Variants in SYN3 observed in about 807,000 individuals in gnomAD.
The protein encoded by SYN3 is synapsin-3.
SYN3 carries 35 observed loss-of-function variants against 65.8 expected under a neutral mutation model. The ratio of observed to expected loss-of-function variants is 0.53; its 90% CI spans 0.41 to 0.70. The LOEUF (loss-of-function observed/expected upper bound fraction) is 0.70. Ranked by LOEUF, SYN3 falls within the 30% of genes least tolerant of loss-of-function variation. The pLI is 0.00. For missense variants in SYN3, 680 were observed against 749.0 expected, an observed-to-expected ratio of 0.91 and a Z score of 1.08; for synonymous variants, 270 against 292.9, an observed-to-expected ratio of 0.92 and a Z score of 0.80.
At chr22:33,055,523 C>T (rs1162889400) in intron 1 of SYN3, among the ~76,000 whole-genome samples, 3 of 152,216 alleles carry the variant, frequency 2.0e-5, no homozygotes, top group Non-Finnish European at 4.4e-5. Flanking sequence ...TCATTTCACT[C>T]ATTTAAGAAA....
At chr22:32,677,328 A>C (rs2060459894) in intron 6 of SYN3, among the ~76,000 whole-genome samples, 2 of 152,182 alleles carry the variant, frequency 1.3e-5, no homozygotes, top group African/African-American at 4.8e-5. Context: ...CAAATGCGCT[A>C]GTATGTAACA....
At chr22:32,858,202 C>A in intron 6 of SYN3, 1 of 1,600,412 alleles carries the variant, frequency 6.2e-7, no homozygotes, top group Non-Finnish European at 8.5e-7. Context: ...GAAACATCAG[C>A]TCCCAATGCA....
At chr22:32,907,969 A>G (rs1385360607) in intron 4 of SYN3, among the ~76,000 whole-genome samples, 3 of 152,234 alleles carry the variant, frequency 2.0e-5, no homozygotes, top group African/African-American at 4.8e-5. Flanking sequence ...TCCACATTTT[A>G]CAAATGGTGA....
chr22:32,686,590 A>AT (rs149862418), intron 6 of SYN3, among the ~76,000 whole-genome samples: 5,856 of 72,350 alleles, frequency 0.081, 367 homozygotes, highest in Non-Finnish European at 0.092. Flanking sequence ...CTGCTCCTCC[A>AT]TTTTTTTTTT....
At chr22:32,648,435 T>C (rs928738077) in intron 6 of SYN3, among the ~76,000 whole-genome samples, 3 of 152,234 alleles carry the variant, frequency 2.0e-5, no homozygotes, top group Admixed American at 2.0e-4. Flanking sequence ...AATAATTATA[T>C]GAATTACAGT....
At chr22:32,872,717 T>C (rs1048366190) in intron 4 of SYN3, among the ~76,000 whole-genome samples, 12 of 152,074 alleles carry the variant, frequency 7.9e-5, no homozygotes, top group Admixed American at 2.0e-4. Context: ...ATTCAGTTCC[T>C]CCCTCTGTAC....
At chr22:32,591,838 G>A (rs2059131518) in intron 7 of SYN3, among the ~76,000 whole-genome samples, 1 of 152,156 alleles carries the variant, frequency 6.6e-6, no homozygotes, top group South Asian at 2.1e-4. Flanking sequence ...GTAGCGTGAT[G>A]AAATCTTGCA....
At chr22:32,739,837 T>C (rs1398869417) in intron 6 of SYN3, among the ~76,000 whole-genome samples, 1 of 152,228 alleles carries the variant, frequency 6.6e-6, no homozygotes, top group Non-Finnish European at 1.5e-5. Context: ...TTTGAGCCCA[T>C]GTGTAGCTGG....
intron 1 of SYN3, among the ~76,000 whole-genome samples, chr22:33,035,651 TGACTGCA>T (rs1409659510): frequency 6.6e-6 from 1 of 152,238 alleles, no homozygotes; most frequent in Non-Finnish European, 1.5e-5. Context: ...CGATCACAGC[TGACTGCA>T]GACTCATACT....
At chr22:32,907,987 G>A (rs1032045673) in intron 4 of SYN3, among the ~76,000 whole-genome samples, 5 of 152,192 alleles carry the variant, frequency 3.3e-5, no homozygotes, top group Admixed American at 6.5e-5. Flanking sequence ...TGAAACTAAT[G>A]CACACAGAAG....
chr22:32,868,921 C>G, intron 5 of SYN3, 45 bp downstream of exon 5: 1 of 1,580,634 alleles, frequency 6.3e-7, no homozygotes, highest in Non-Finnish European at 8.6e-7. Context: ...GGAGGCCACC[C>G]ACTGCCTCCC....
At chr22:32,711,072 A>C (rs2060958770) in intron 6 of SYN3, among the ~76,000 whole-genome samples, 1 of 152,108 alleles carries the variant, frequency 6.6e-6, no homozygotes, top group Admixed American at 6.5e-5. Flanking sequence ...AGAGTGACTA[A>C]TTGTCCCTGT....
intron 6 of SYN3, among the ~76,000 whole-genome samples, chr22:32,653,618 C>T (rs753416792): frequency 6.6e-6 from 1 of 151,816 alleles, no homozygotes; most frequent in Non-Finnish European, 1.5e-5. Context: ...CACATGGCAG[C>T]CAGCTTCCAG....
At chr22:32,662,544 A>G (rs2060230441) in intron 6 of SYN3, among the ~76,000 whole-genome samples, 1 of 152,196 alleles carries the variant, frequency 6.6e-6, no homozygotes, top group South Asian at 2.1e-4. Flanking sequence ...ACTCCCAGAT[A>G]TGCCACTTAA....
At chr22:32,859,135 T>A in intron 6 of SYN3, 1 of 1,608,188 alleles carries the variant, frequency 6.2e-7, no homozygotes, top group Non-Finnish European at 8.5e-7. Context: ...GGCCTGGGCA[T>A]ACCATGGCAG....
chr22:32,818,653 C>T lies in SYN3; in HGVS notation c.711+46262G>A, dbSNP rs543651355. ...CTCCCAGGGCTGGGTGTTTGTCTCC[C>T]CTCCGGCGCTGGGCCTCCTGCTTGG... On this transcript the variant is annotated intron_variant, in intron 6 of 13. Coordinates refer to ENST00000358763, the MANE Select transcript of SYN3 (RefSeq NM_003490.4). 4.7e-4 allele frequency among the ~76,000 whole-genome samples: 71 copies of T among 152,300 alleles called. 1 individual carries two copies. The highest frequency in any genetic ancestry group is 1.7e-3 in the African/African-American group (70 of 41,570).
Position 32,837,720 on chromosome 22 carries a change from T to C in SYN3, c.711+27195A>G, listed in dbSNP as rs1601502855. The stretch of plus-strand genomic sequence containing the variant: ...TGGATACATGCAATCCTAAAGTCTA[T>C]GGGCAGTGACAGAGTGATAAGTCTT... On this transcript the variant is annotated intron_variant, in intron 6 of 13. Transcript: ENST00000358763. The surrounding 1 kb of genome is among the most constrained non-coding windows in gnomAD (Gnocchi z 4.1). 6.6e-6 allele frequency among the ~76,000 whole-genome samples: 1 copy of C among 152,254 alleles called. No individual in the cohort carries two copies. Among genetic ancestry groups the C allele is most frequent in the East Asian group, 1.9e-4 (1 of 5,174 alleles).
At chr22:32,859,243 A>G in intron 6 of SYN3, 1 of 1,614,154 alleles carries the variant, frequency 6.2e-7, no homozygotes, top group South Asian at 1.1e-5. Flanking sequence ...CTGGACCGAC[A>G]TGCTCTCCAA....
At chr22:32,933,770 C>T (rs2050700229) in intron 3 of SYN3, among the ~76,000 whole-genome samples, 1 of 152,092 alleles carries the variant, frequency 6.6e-6, no homozygotes, top group Non-Finnish European at 1.5e-5. Flanking sequence ...CACTCCATGG[C>T]CCCCACTGTT....
Sources: gnomAD v4.1 joint callset for allele counts (sites outside exome capture counted in the v4.1 genomes callset) on GRCh38, gnomAD v4.1.1 for gene constraint, Gnocchi (gnomAD v3.1) non-coding constraint, MANE v1.5 for transcripts, NCBI Gene and HGNC (gene_info 2026-07-23, HGNC 2026-07-21) for gene names.